KCNMA1: variants seen among roughly 807,000 people sequenced by gnomAD.
KCNMA1 encodes the protein Calcium-activated potassium channel subunit alpha-1.
Under a neutral mutation model 140.0 loss-of-function variants are expected in KCNMA1, and 29 were observed. That is an observed-to-expected ratio of 0.21 (90% confidence interval 0.15 to 0.28). KCNMA1 has a LOEUF of 0.28. KCNMA1 is among the 10% of genes least tolerant of loss of function. KCNMA1 has a pLI of 1.00. For synonymous variants in KCNMA1, 612 were observed against 611.9 expected (o/e 1.00, Z 0.00); for missense variants, 880 against 1,602.2 (o/e 0.55, Z 7.70).
At chr10:77,260,447 G>A (rs1412906803) in intron 2 of KCNMA1, among the ~76,000 whole-genome samples, 1 of 152,208 alleles carries the variant, frequency 6.6e-6, no homozygotes, top group African/African-American at 2.4e-5. Context: ...GGTGGCTCAT[G>A]TCTGTAATCC....
chr10:77,029,627 A>G (rs1013344642), intron 15 of KCNMA1, among the ~76,000 whole-genome samples: 1 of 152,170 alleles, frequency 6.6e-6, no homozygotes, highest in African/African-American at 2.4e-5. Context: ...AAATAAAACA[A>G]CCTAAGAATA....
chr10:77,201,987 T>G (rs1438217387), intron 3 of KCNMA1, among the ~76,000 whole-genome samples: 1 of 152,250 alleles, frequency 6.6e-6, no homozygotes, highest in Non-Finnish European at 1.5e-5. Context: ...AACTCTGTCC[T>G]GTTTTTGCAA....
intron 2 of KCNMA1, among the ~76,000 whole-genome samples, chr10:77,293,217 TC>T (rs2073902058): frequency 6.6e-6 from 1 of 152,180 alleles, no homozygotes; most frequent in Non-Finnish European, 1.5e-5. Context: ...TTTAAAAAGA[TC>T]ACTTTGGCCA....
At chr10:77,267,966 C>CA (rs2063875722) in intron 2 of KCNMA1, among the ~76,000 whole-genome samples, 1 of 152,190 alleles carries the variant, frequency 6.6e-6, no homozygotes, top group Non-Finnish European at 1.5e-5. Context: ...CGCTTCTTGA[C>CA]AGTAGACCCT....
At chr10:77,133,343 A>T (rs1254106499) in intron 5 of KCNMA1, among the ~76,000 whole-genome samples, 1 of 151,972 alleles carries the variant, frequency 6.6e-6, no homozygotes, top group Non-Finnish European at 1.5e-5. Flanking sequence ...GATTCACATG[A>T]TATGAAAACA....
intron 2 of KCNMA1, among the ~76,000 whole-genome samples, chr10:77,266,733 T>G (rs1280269589): frequency 2.0e-5 from 3 of 152,220 alleles, no homozygotes; most frequent in African/African-American, 7.2e-5. Context: ...AAAGCACTTC[T>G]TACTCTTTAT....
At chr10:77,412,094 G>A (rs1229154485) in intron 1 of KCNMA1, among the ~76,000 whole-genome samples, 2 of 152,304 alleles carry the variant, frequency 1.3e-5, no homozygotes, top group African/African-American at 2.4e-5. Context: ...AACCATCTCC[G>A]CTAGCCCTTT....
At chr10:77,547,760 T>C (rs1457936998) in intron 1 of KCNMA1, among the ~76,000 whole-genome samples, 1 of 152,196 alleles carries the variant, frequency 6.6e-6, no homozygotes, top group Non-Finnish European at 1.5e-5. Flanking sequence ...CACCCAAGAC[T>C]AGCAAGACCA....
intron 2 of KCNMA1, among the ~76,000 whole-genome samples, chr10:77,323,842 A>T (rs2083079173): frequency 6.6e-6 from 1 of 152,174 alleles, no homozygotes; most frequent in South Asian, 2.1e-4. Context: ...GGATTCAGGG[A>T]TGACAGTGTT....
intron 2 of KCNMA1, among the ~76,000 whole-genome samples, chr10:77,338,278 T>C (rs1290713722): frequency 6.6e-6 from 1 of 152,140 alleles, no homozygotes; most frequent in Non-Finnish European, 1.5e-5. Flanking sequence ...ACTCCTGCCT[T>C]TTATATACCC....
Position 77,115,709 on chromosome 10 carries a change from T to C in KCNMA1, c.885-3267A>G, listed in dbSNP as rs763502794. ...ACTCTAAATGATGGTTACAGTGATA[T>C]TAGTAGTGCGTTAGGGAGCTCTTGC... On this transcript the variant is annotated intron_variant, in intron 6 of 27. Coordinates refer to ENST00000286628, the MANE Select transcript of KCNMA1 (RefSeq NM_001161352.2). 2.2e-4 allele frequency among the ~76,000 whole-genome samples: 34 copies of C among 152,294 alleles called. 1 individual carries two copies. The highest frequency in any genetic ancestry group is 1.5e-3 in the South Asian group (7 of 4,822).
In KCNMA1 at chr10:77,403,363, C is replaced by T. The variant is rs568655049; in HGVS notation, c.540+499G>A. ...CACCATCAGCATGACTGATTTCTAC[C>T]GTGCACAGGGCCCAGCTCACACACT... On this transcript the variant is annotated intron_variant, in intron 2 of 27. Coordinates refer to ENST00000286628, the MANE Select transcript of KCNMA1 (RefSeq NM_001161352.2). Among the ~76,000 whole-genome samples the T allele has an allele frequency of 1.3e-4, 20 of 152,224 alleles. No individual in the cohort carries two copies. The South Asian group carries it at 1.5e-3, about 11-fold the overall frequency.
chr10:77,065,830 C>T (rs1022573624), intron 14 of KCNMA1, among the ~76,000 whole-genome samples: 44 of 151,988 alleles, frequency 2.9e-4, no homozygotes, highest in Non-Finnish European at 8.8e-5. Flanking sequence ...GTTCTAATGC[C>T]TTAGAGGAAA....
chr10:77,561,239 G>C (rs958031007), intron 1 of KCNMA1, among the ~76,000 whole-genome samples: 10 of 152,094 alleles, frequency 6.6e-5, no homozygotes, highest in African/African-American at 2.2e-4. Flanking sequence ...GGATGGTATA[G>C]TAGTTATCTC....
chr10:77,315,349 T>C (rs1340150895), intron 2 of KCNMA1: 1 of 152,216 alleles, frequency 6.6e-6, no homozygotes, highest in Admixed American at 6.5e-5. Flanking sequence ...GAAAAGACAG[T>C]GTGAGTCTCG....
intron 15 of KCNMA1, among the ~76,000 whole-genome samples, chr10:77,038,351 C>A (rs2094462139): frequency 6.6e-6 from 1 of 152,148 alleles, no homozygotes; most frequent in Non-Finnish European, 1.5e-5. Flanking sequence ...GCAGGAAGTG[C>A]AAGCAAATGG....
chr10:77,000,885 T>TATAG, intron 19 of KCNMA1, among the ~76,000 whole-genome samples: 1 of 114,408 alleles, frequency 8.7e-6, no homozygotes, highest in South Asian at 2.8e-4. Flanking sequence ...TATATATATA[T>TATAG]ATATATATAT....
At chr10:77,471,123 C>G (rs116420939) in intron 1 of KCNMA1, among the ~76,000 whole-genome samples, 156 of 113,084 alleles carry the variant, frequency 1.4e-3, no homozygotes, top group African/African-American at 5.5e-3. Flanking sequence ...TTACATAACT[C>G]ACACTACACA....
intron 19 of KCNMA1, among the ~76,000 whole-genome samples, chr10:77,000,860 AT>A (rs2086081763): frequency 6.7e-5 from 5 of 74,334 alleles, no homozygotes; most frequent in South Asian, 5.2e-4. Flanking sequence ...AAAAGAAAAT[AT>A]ATATATATAT....
Sources: allele counts gnomAD v4.1 joint callset (sites outside exome capture counted in the v4.1 genomes callset), GRCh38; gene constraint gnomAD v4.1.1; transcripts MANE v1.5; gene names NCBI Gene and HGNC (gene_info 2026-07-23, HGNC 2026-07-21).